The following ZNF708 variants were observed in gnomAD, a reference collection of about 807,000 sequenced individuals.
ZNF708 encodes zinc finger protein 708.
A neutral mutation model predicts 47.0 loss-of-function variants in ZNF708; 44 were observed. The observed-to-expected ratio is 0.94, with a 90% confidence interval of 0.74 to 1.20. The LOEUF (loss-of-function observed/expected upper bound fraction) is 1.20. ZNF708 is among the 50% of genes most tolerant of loss of function. The pLI is 0.00. For missense variants in ZNF708, 557 were observed against 656.0 expected (o/e 0.85, Z 1.65); for synonymous variants, 184 against 218.5 (o/e 0.84, Z 1.39).
chr19:21,292,508 C>G lies in ZNF708; in HGVS notation c.*766G>C, dbSNP rs1442994089. 6.6e-6 allele frequency: 1 copy of G among 152,010 alleles called. No homozygotes were observed. The highest frequency in any genetic ancestry group is 1.5e-5 in the Non-Finnish European group (1 of 68,010). 9.4% of individuals were successfully genotyped at this position (152,010 alleles called of 1,614,324 possible). The stretch of plus-strand genomic sequence containing the variant: ...AATTTATTACATTTGCAGGGTTTTT[C>G]TCCAATCTGAATTCCCTGATGTTGA... On this transcript the variant is annotated 3_prime_UTR_variant, in exon 4 of 4. Coordinates refer to ENST00000356929, the MANE Select transcript of ZNF708 (RefSeq NM_021269.3).
intron 3 of ZNF708, among the ~76,000 whole-genome samples, chr19:21,298,417 A>G (rs1446187608): frequency 1.3e-5 from 2 of 150,404 alleles, no homozygotes; most frequent in Non-Finnish European, 3.0e-5. Context: ...CACACTTTTG[A>G]GTGTGCTGTT....
Position 21,293,777 on chromosome 19 carries a change from A to T in ZNF708, c.1189T>A (p.Cys397Ser), listed in dbSNP as rs1204589525. 3 of 1,613,606 alleles carry T rather than the reference A, an allele frequency of 1.9e-6. No homozygotes were observed. The highest frequency in any genetic ancestry group is 3.3e-5 in the Admixed American group (2 of 60,008). ...TGEKPYKCEE[C>S]GKAFTKSSTL... ...GAGGACTTGGTAAAGGCTTTACCACATTCTTCACATTTGTAGGGTTTCTCT... is the reference window on the plus strand; with the variant it reads ...GAGGACTTGGTAAAGGCTTTACCACTTTCTTCACATTTGTAGGGTTTCTCT... Residue 397 changes from cysteine (C) to serine (S), a missense_variant, in exon 4 of 4, where the codon TGT becomes AGT. Transcript: ENST00000356929.
intron 1 of ZNF708, among the ~76,000 whole-genome samples, chr19:21,326,428 G>C (rs1196567317): frequency 6.6e-6 from 1 of 152,162 alleles, no homozygotes; most frequent in Non-Finnish European, 1.5e-5. Context: ...GATGAGACTA[G>C]AGACTATTAT....
intron 1 of ZNF708, among the ~76,000 whole-genome samples, chr19:21,320,086 GA>G (rs1973096502): frequency 6.6e-6 from 1 of 152,030 alleles, no homozygotes; most frequent in Non-Finnish European, 1.5e-5. Context: ...TGAGGCAGGA[GA>G]ATCGCTTGAA....
intron 3 of ZNF708, among the ~76,000 whole-genome samples, chr19:21,297,448 C>T (rs959504818): frequency 6.7e-6 from 1 of 148,844 alleles, no homozygotes; most frequent in African/African-American, 2.5e-5. Flanking sequence ...ATGTAATTCC[C>T]AAGGTACCAC....
At chr19:21,324,667 A>G (rs541269450) in intron 1 of ZNF708, among the ~76,000 whole-genome samples, 1 of 152,342 alleles carries the variant, frequency 6.6e-6, no homozygotes, top group South Asian at 2.1e-4. Context: ...TAAGAAAAGC[A>G]AAAGTGTCCA....
rs368086999 is a variant in ZNF708, at chr19:21,293,235, T to C, written c.*39A>G. ...CTCTCCAGTATGAATTATCTTGTGT[T>C]TTAATAAAAGTTGAAAATACACTAA... On this transcript the variant is annotated 3_prime_UTR_variant, in exon 4 of 4. Transcript: ENST00000356929. 5 of 1,577,224 alleles carry C rather than the reference T, an allele frequency of 3.2e-6. No individual in the cohort carries two copies. In the African/African-American group the frequency reaches 5.5e-5, roughly 17 times the overall value.
chr19:21,299,090 G>A (rs559691944), intron 3 of ZNF708, among the ~76,000 whole-genome samples: 1 of 152,300 alleles, frequency 6.6e-6, no homozygotes, highest in South Asian at 2.1e-4. Context: ...TTACGGCCAG[G>A]CAGTGCTGTA....
Position 21,300,516 on chromosome 19 carries a change from A to C in ZNF708, c.227-5777T>G, listed in dbSNP as rs540599198. On this transcript the variant is annotated intron_variant, in intron 3 of 3. Transcript: ENST00000356929. Reference sequence around the variant, plus strand: ...AACGAAACTCTGTCTAAAAAAAAAAAAAAACAAAACAGGGATAATATTTAC... The same window carrying C: ...AACGAAACTCTGTCTAAAAAAAAAACAAAACAAAACAGGGATAATATTTAC... Among the ~76,000 whole-genome samples, 44 of 137,190 alleles carry C rather than the reference A, an allele frequency of 3.2e-4. No homozygotes were observed. The Middle Eastern group carries it at 0.015, about 47-fold the overall frequency. The allele number at this position is 137,190 out of a possible 152,430, so 90.0% of individuals were successfully genotyped here.
intron 3 of ZNF708, among the ~76,000 whole-genome samples, chr19:21,308,385 T>G (rs1412314197): frequency 6.6e-6 from 1 of 151,820 alleles, no homozygotes; most frequent in Non-Finnish European, 1.5e-5. Context: ...GTTCAAGCAA[T>G]TCTCCTGCCT....
chr19:21,315,337 A>C (rs888276673), intron 1 of ZNF708, among the ~76,000 whole-genome samples: 2 of 152,310 alleles, frequency 1.3e-5, no homozygotes, highest in East Asian at 3.9e-4. Context: ...GTACATTCCC[A>C]ATTCAAAGTC....
chr19:21,309,127 C>G lies in ZNF708; in HGVS notation c.226+119G>C, dbSNP rs1972845619. On this transcript the variant is annotated intron_variant, in intron 3 of 3. Coordinates refer to ENST00000356929, the MANE Select transcript of ZNF708 (RefSeq NM_021269.3). ...CGCCCCTATATTAAAGTTAAAAAAA[C>G]AAAACAGCTGCCTAGAAACTTTGGA... 8.6e-6 allele frequency: 9 copies of G among 1,042,590 alleles called. 1 individual carries two copies. The Admixed American group carries it at 1.6e-4, about 19-fold the overall frequency. The allele number at this position is 1,042,590 out of a possible 1,614,324, so 64.6% of individuals were successfully genotyped here.
chr19:21,293,770 T>G lies in ZNF708; in HGVS notation c.1196A>C (p.Lys399Thr), dbSNP rs764851080. ...AAGAGTTGAGGACTTGGTAAAGGCTTTACCACATTCTTCACATTTGTAGGG... is the reference window on the plus strand; with the variant it reads ...AAGAGTTGAGGACTTGGTAAAGGCTGTACCACATTCTTCACATTTGTAGGG... The part of the protein sequence containing the change: ...EKPYKCEECG[K>T]AFTKSSTLTY... The change falls in exon 4 of 4, where the codon AAA (lysine) becomes ACA (threonine). Residue 399 changes from lysine to threonine, a missense_variant. Coordinates refer to ENST00000356929, the MANE Select transcript of ZNF708 (RefSeq NM_021269.3). 15 of 1,613,552 alleles carry G rather than the reference T, an allele frequency of 9.3e-6. No homozygotes were observed. In the Admixed American group the frequency reaches 1.8e-4, roughly 20 times the overall value.
intron 1 of ZNF708, among the ~76,000 whole-genome samples, 162 bp from the exon 2 acceptor site, chr19:21,310,789 T>C (rs1281755025): frequency 3.9e-5 from 6 of 152,218 alleles, no homozygotes; most frequent in Non-Finnish European, 8.8e-5. Context: ...TATTCTCGAA[T>C]GTATTCTCTA....
At chr19:21,297,775 T>C (rs1473166458) in intron 3 of ZNF708, among the ~76,000 whole-genome samples, 1 of 152,078 alleles carries the variant, frequency 6.6e-6, no homozygotes, top group Non-Finnish European at 1.5e-5. Flanking sequence ...AGTAGCAAGA[T>C]GAAAGTAGAA....
In ZNF708 at chr19:21,300,087, C is replaced by T. The variant is rs549184720; in HGVS notation, c.227-5348G>A. Reference sequence around the variant, plus strand: ...AGCACTTTGGGAGGAAGGCGGATCACGAGATCAGGAGTTCGAGACCAGCCT... The same window carrying T: ...AGCACTTTGGGAGGAAGGCGGATCATGAGATCAGGAGTTCGAGACCAGCCT... On this transcript the variant is annotated intron_variant, in intron 3 of 3. Coordinates refer to ENST00000356929, the MANE Select transcript of ZNF708 (RefSeq NM_021269.3). Among the ~76,000 whole-genome samples, 7 of 151,788 alleles carry T rather than the reference C, an allele frequency of 4.6e-5. No individual in the cohort carries two copies. The East Asian group carries it at 9.7e-4, about 21-fold the overall frequency.
At chr19:21,329,097 C>G in intron 1 of ZNF708, 113 bp downstream of exon 1, 1 of 1,496,012 alleles carries the variant, frequency 6.7e-7, no homozygotes, top group Non-Finnish European at 9.3e-7. Flanking sequence ...AAGGAGAACT[C>G]GGAGCGCAGA....
intron 1 of ZNF708, among the ~76,000 whole-genome samples, chr19:21,312,999 G>C (rs931814646): frequency 6.7e-5 from 10 of 149,892 alleles, no homozygotes; most frequent in Admixed American, 1.3e-4. Context: ...GCTCTCAAGG[G>C]TATGCTACAG....
intron 1 of ZNF708, among the ~76,000 whole-genome samples, chr19:21,314,930 A>G (rs977965832): frequency 1.3e-5 from 2 of 152,192 alleles, no homozygotes; most frequent in Non-Finnish European, 2.9e-5. Context: ...TGATGGTCCA[A>G]TAATAAGCCA....
Sources: gnomAD v4.1 joint callset for allele counts (sites outside exome capture counted in the v4.1 genomes callset) on GRCh38, gnomAD v4.1.1 for gene constraint, MANE v1.5 for transcripts, NCBI Gene and HGNC (gene_info 2026-07-23, HGNC 2026-07-21) for gene names.